Variants in PREP observed in about 807,000 individuals in gnomAD.
The protein encoded by PREP is prolyl endopeptidase, also known as dJ355L5.1 (prolyl endopeptidase).
Under a neutral mutation model 87.6 loss-of-function variants are expected in PREP, and 29 were observed. That is an observed-to-expected ratio of 0.33 (90% CI 0.25 to 0.45). PREP has a LOEUF of 0.45. PREP is among the 20% of genes least tolerant of loss of function. The probability of loss-of-function intolerance (pLI) is 1.00; values close to 1 mark genes in which losing one functional copy is unlikely to be tolerated. For missense variants in PREP, 695 were observed against 886.5 expected (o/e 0.78, Z 2.74); for synonymous variants, 337 against 328.6 (o/e 1.03, Z -0.28).
chr6:105,314,605 C>T (rs1429859083), intron 10 of PREP, among the ~76,000 whole-genome samples: 1 of 152,170 alleles, frequency 6.6e-6, no homozygotes, highest in East Asian at 1.9e-4. Context: ...TAGATTGCAG[C>T]AATTCAGTCA....
chr6:105,286,686 G>A (rs1770193935), intron 11 of PREP, among the ~76,000 whole-genome samples: 1 of 151,888 alleles, frequency 6.6e-6, no homozygotes, highest in Admixed American at 6.6e-5. Context: ...GAATATTGAG[G>A]ATGAACAGGA....
intron 2 of PREP, among the ~76,000 whole-genome samples, chr6:105,397,403 T>C (rs1583110453): frequency 6.6e-6 from 1 of 152,198 alleles, no homozygotes; most frequent in South Asian, 2.1e-4. Context: ...TTTGTTTCAC[T>C]GTTGTTGTGT....
chr6:105,336,771 T>C (rs1167845163), intron 7 of PREP, among the ~76,000 whole-genome samples: 1 of 152,214 alleles, frequency 6.6e-6, no homozygotes, highest in Non-Finnish European at 1.5e-5. Context: ...ATCTGTAGTT[T>C]ATCATTTTTG....
At chr6:105,387,546 GGAA>G (rs1435758526) in intron 2 of PREP, among the ~76,000 whole-genome samples, 2 of 150,398 alleles carry the variant, frequency 1.3e-5, no homozygotes, top group South Asian at 2.1e-4. Context: ...GGGCCACACT[GGAA>G]GAAGAATTGT....
intron 6 of PREP, among the ~76,000 whole-genome samples, chr6:105,360,786 G>C (rs1245663372): frequency 1.3e-5 from 2 of 152,176 alleles, no homozygotes; most frequent in Non-Finnish European, 2.9e-5. Flanking sequence ...AGGGAATCTA[G>C]TCCCAAATAA....
At chr6:105,378,440 A>G (rs1203220488) in intron 2 of PREP, among the ~76,000 whole-genome samples, 1 of 152,230 alleles carries the variant, frequency 6.6e-6, no homozygotes, top group Non-Finnish European at 1.5e-5. Context: ...AGCCTGGGCG[A>G]CACAGGGAGA....
rs59538588 is a variant in PREP at position 105,391,034 on chromosome 6, TAC to T, written c.120+6817_120+6818del. 4.2e-3 allele frequency among the ~76,000 whole-genome samples: 590 copies of T among 141,268 alleles called. 5 individuals carry two copies. The highest frequency in any genetic ancestry group is 0.013 in the African/African-American group (468 of 36,098). 92.7% of individuals were successfully genotyped at this position (141,268 alleles called of 152,430 possible). ...TGATTTATCTAAGTCTCTGGTTTTA[TAC>T]ACACACACACACACACACACACACT... On this transcript the variant is annotated intron_variant, in intron 2 of 14. Coordinates refer to ENST00000652536, the MANE Select transcript of PREP (RefSeq NM_002726.5).
intron 10 of PREP, among the ~76,000 whole-genome samples, chr6:105,301,565 C>T (rs1477264387): frequency 6.6e-6 from 1 of 152,150 alleles, no homozygotes; most frequent in Non-Finnish European, 1.5e-5. Context: ...ATGTTCCAGG[C>T]ATTTAACTTT....
At chr6:105,301,587 G>A (rs1172500312) in intron 10 of PREP, among the ~76,000 whole-genome samples, 2 of 152,198 alleles carry the variant, frequency 1.3e-5, no homozygotes, top group African/African-American at 4.8e-5. Context: ...GGGGAGTAGA[G>A]AGGAGTTTAA....
chr6:105,351,752 C>G (rs187208410), intron 7 of PREP, among the ~76,000 whole-genome samples: 1 of 152,232 alleles, frequency 6.6e-6, no homozygotes, highest in Non-Finnish European at 1.5e-5. Context: ...AAGACCTATG[C>G]TTGCAACTCA....
At chr6:105,293,309 G>A (rs1770338368) in intron 10 of PREP, among the ~76,000 whole-genome samples, 1 of 152,112 alleles carries the variant, frequency 6.6e-6, no homozygotes, top group African/African-American at 2.4e-5. Context: ...GAGACCCAAG[G>A]AGAGGGAGTG....
intron 10 of PREP, among the ~76,000 whole-genome samples, chr6:105,307,731 G>T (rs111326958): frequency 0.056 from 8,552 of 152,144 alleles, 279 homozygotes; most frequent in Middle Eastern, 0.095. Flanking sequence ...TCCTGCTTCA[G>T]TCTCCTGAGT....
intron 9 of PREP, among the ~76,000 whole-genome samples, chr6:105,325,548 C>T (rs1479571954): frequency 6.6e-6 from 1 of 152,182 alleles, no homozygotes; most frequent in South Asian, 2.1e-4. Context: ...AAATGCCTGA[C>T]CTCCCTATTC....
At chr6:105,305,614 A>C (rs900594906) in intron 10 of PREP, among the ~76,000 whole-genome samples, 1 of 152,016 alleles carries the variant, frequency 6.6e-6, no homozygotes, top group African/African-American at 2.4e-5. Flanking sequence ...TAAAAGAACA[A>C]ATTCTTTTTG....
chr6:105,287,343 G>A (rs77184831), intron 11 of PREP, among the ~76,000 whole-genome samples: 2,615 of 152,186 alleles, frequency 0.017, 69 homozygotes, highest in African/African-American at 0.059. Context: ...AACAGCAACC[G>A]TTATGACACT....
chr6:105,390,684 G>A (rs1441864140), intron 2 of PREP, among the ~76,000 whole-genome samples: 7 of 152,180 alleles, frequency 4.6e-5, no homozygotes, highest in Non-Finnish European at 1.0e-4. Flanking sequence ...GGAGTAAGAT[G>A]GGGAGACTGA....
At position 105,276,506 on chromosome 6, in the gene PREP, C is replaced by T. The variant is rs1435451327; in HGVS notation, c.*1638G>A. ...AGAGGCTGCCTCTGGCTTGACCATG[C>T]AAATGTATTTTCTTTCTTTCCTGCC... On this transcript the variant is annotated 3_prime_UTR_variant, in exon 15 of 15. Coordinates refer to ENST00000652536, the MANE Select transcript of PREP (RefSeq NM_002726.5). Among the ~76,000 whole-genome samples the T allele has an allele frequency of 6.6e-6, 1 of 152,218 alleles. No individual in the cohort carries two copies. The highest frequency in any genetic ancestry group is 1.5e-5 in the Non-Finnish European group (1 of 68,048).
In PREP at chr6:105,323,673, T is replaced by C. The variant is rs1771076018; in HGVS notation, c.1309A>G (p.Thr437Ala). ...VKGIDASDYQ[T>A]VQIFYPSKDG... The stretch of plus-strand genomic sequence containing the variant: ...GATCATATTCTCCATACCTGGACTG[T>C]CTGGTAATCAGAAGCATCAATTCCT... The change falls in exon 10 of 15, where the codon ACA becomes GCA. Residue 437 changes from threonine (T) to alanine (A), a missense_variant. Physicochemically the swap from Thr to Ala is moderately conservative, Grantham distance 58. Coordinates refer to ENST00000652536, the MANE Select transcript of PREP (RefSeq NM_002726.5). 2 of 1,608,578 alleles carry C rather than the reference T, an allele frequency of 1.2e-6. No homozygotes were observed. The highest frequency in any genetic ancestry group is 1.7e-6 in the Non-Finnish European group (2 of 1,175,044).
intron 11 of PREP, among the ~76,000 whole-genome samples, chr6:105,286,193 C>A (rs1230550471): frequency 6.6e-6 from 1 of 152,204 alleles, no homozygotes; most frequent in Non-Finnish European, 1.5e-5. Context: ...CCAGCCCAGG[C>A]ATGAATGGTG....
Sources: gnomAD v4.1 joint callset for allele counts (sites outside exome capture counted in the v4.1 genomes callset) on GRCh38, gnomAD v4.1.1 for gene constraint, MANE v1.5 for transcripts, NCBI Gene and HGNC (gene_info 2026-07-23, HGNC 2026-07-21) for gene names.